PSG7: variants seen among roughly 807,000 people sequenced by gnomAD.
The protein encoded by PSG7 is pregnancy-specific beta-1-glycoprotein 7.
PSG7 carries 57 observed loss-of-function variants against 45.6 expected under a neutral mutation model. The observed-to-expected ratio is 1.25, with a 90% CI of 1.01 to 1.56. The LOEUF is 1.56. Ranked by LOEUF, PSG7 falls within the 40% of genes most tolerant of loss-of-function variation. The probability of loss-of-function intolerance (pLI) is 0.00; values close to 1 mark genes in which losing one functional copy is unlikely to be tolerated. For missense variants in PSG7, 796 were observed against 508.4 expected (o/e 1.57, Z -5.44); for synonymous variants, 298 against 194.4 (o/e 1.53, Z -4.43).
intron 2 of PSG7, among the ~76,000 whole-genome samples, chr19:42,932,095 C>A (rs1325556538): frequency 6.6e-6 from 1 of 151,320 alleles, no homozygotes; most frequent in Non-Finnish European, 1.5e-5. Flanking sequence ...ATGATCTCAG[C>A]TCACTGCAAG....
At chr19:42,933,307 ATTTTTTTT>A (rs397965905) in intron 2 of PSG7, among the ~76,000 whole-genome samples, 5 of 13,504 alleles carry the variant, frequency 3.7e-4, no homozygotes, top group African/African-American at 8.7e-4. Context: ...ATATATATAT[ATTTTTTTT>A]TTTTTTTGGT....
intron 2 of PSG7, among the ~76,000 whole-genome samples, chr19:42,933,358 G>T (rs183757047): frequency 1.7e-5 from 2 of 116,090 alleles, no homozygotes; most frequent in Admixed American, 1.0e-4. Context: ...AGAAGAACTT[G>T]TCTGGCAATT....
Position 42,935,276 on chromosome 19 carries a change from C to T in PSG7, c.430+128G>A, listed in dbSNP as rs60092578. The T allele has an allele frequency of 4.7e-3, 7,022 of 1,501,736 alleles. 261 individuals carry two copies. The African/African-American group carries it at 0.083, about 18-fold the overall frequency. 93.0% of individuals were successfully genotyped at this position (1,501,736 alleles called of 1,614,324 possible). On this transcript the variant is annotated intron_variant, in intron 2 of 5. Coordinates refer to ENST00000406070, the MANE Select transcript of PSG7 (RefSeq NM_002783.3). ...CTCTGTGTGTTTCCTGCAATAAATG[C>T]CCAAACCCCAGCATGGGACATAATG...
chr19:42,927,615 T>C (rs1461784527), intron 3 of PSG7: 2 of 151,638 alleles, frequency 1.3e-5, no homozygotes, highest in Non-Finnish European at 2.9e-5. Flanking sequence ...TTGATGGATA[T>C]AAGACAAATT....
rs1972478690 is a variant in PSG7, at chr19:42,924,305, A to G, written c.*503T>C. The G allele has an allele frequency of 5.9e-6, 2 of 340,174 alleles. No individual in the cohort carries two copies. Among genetic ancestry groups the G allele is most frequent in the Admixed American group, 8.9e-5 (2 of 22,506 alleles). The allele number at this position is 340,174 out of a possible 1,614,324, so 21.1% of individuals were successfully genotyped here. A position where few individuals can be genotyped will look rare whatever the true frequency, so the allele number is the denominator to read the frequency against. ...GAAACCATCTTCTCTGCAAACACAC[A>G]GGCAATATCTCTGTGTTCATTTCTA... On this transcript the variant is annotated 3_prime_UTR_variant, in exon 6 of 6. Coordinates refer to ENST00000406070, the MANE Select transcript of PSG7 (RefSeq NM_002783.3).
In PSG7 at chr19:42,925,510, T is replaced by C. The variant is rs183306224; in HGVS notation, c.1243+263A>G. 411 of 942,874 alleles carry C rather than the reference T, an allele frequency of 4.4e-4. 8 individuals are homozygous for C. The highest frequency in any genetic ancestry group is 5.6e-4 in the Non-Finnish European group (373 of 669,126). 58.4% of individuals were successfully genotyped at this position (942,874 alleles called of 1,614,324 possible). A position where few individuals can be genotyped will look rare whatever the true frequency, so the allele number is the denominator to read the frequency against. ...TTTTCAAATAAAAATCATAAAAACA[T>C]TATCCTCATTATTATCAATTATTTC... On this transcript the variant is annotated intron_variant, in intron 5 of 5. Coordinates refer to ENST00000406070, the MANE Select transcript of PSG7 (RefSeq NM_002783.3).
chr19:42,924,466 T>C lies in PSG7; in HGVS notation c.*342A>G. 1 of 538,032 alleles carries C rather than the reference T, an allele frequency of 1.9e-6. No homozygotes were observed. Among genetic ancestry groups the C allele is most frequent in the Admixed American group, 3.3e-5 (1 of 30,704 alleles). 33.3% of individuals were successfully genotyped at this position (538,032 alleles called of 1,614,324 possible). A position where few individuals can be genotyped will look rare whatever the true frequency, so the allele number is the denominator to read the frequency against. Reference sequence around the variant, plus strand: ...TCCTATACTACATGTGAAATTCTAATGACTGCATTATCCTGCCAAGTGAAA... The same window carrying C: ...TCCTATACTACATGTGAAATTCTAACGACTGCATTATCCTGCCAAGTGAAA... On this transcript the variant is annotated 3_prime_UTR_variant, in exon 6 of 6. Coordinates refer to ENST00000406070, the MANE Select transcript of PSG7 (RefSeq NM_002783.3).
At chr19:42,928,150 T>G (rs1478928186) in intron 3 of PSG7, among the ~76,000 whole-genome samples, 4 of 151,608 alleles carry the variant, frequency 2.6e-5, no homozygotes, top group Non-Finnish European at 5.9e-5. Flanking sequence ...GCTGCACTTG[T>G]ATATTTTTGA....
At chr19:42,935,987 C>G (rs1258109047) in intron 1 of PSG7, among the ~76,000 whole-genome samples, 2 of 150,906 alleles carry the variant, frequency 1.3e-5, no homozygotes, top group Non-Finnish European at 3.0e-5. Flanking sequence ...AGGTCAAGGT[C>G]AGCAGCATGA....
At chr19:42,926,869 T>C (rs1972905851) in intron 3 of PSG7, 153 bp from the exon 4 acceptor site, 1 of 1,386,674 alleles carries the variant, frequency 7.2e-7, no homozygotes, top group East Asian at 2.3e-5. Flanking sequence ...AGATGCATGA[T>C]GATCTAAGGG....
At position 42,934,353 on chromosome 19, in the gene PSG7, G is replaced by A. The variant is rs373372670; in HGVS notation, c.430+1051C>T. Among the ~76,000 whole-genome samples, 21 of 151,440 alleles carry A rather than the reference G, an allele frequency of 1.4e-4. 1 individual carries two copies. The East Asian group carries it at 2.1e-3, about 15-fold the overall frequency. ...ATTTGAGCCAATAAATGAGTATGGG[G>A]TGCTTGGAACCCAGTAAGCCCTCAC... On this transcript the variant is annotated intron_variant, in intron 2 of 5. Transcript: ENST00000406070.
At chr19:42,930,604 G>A (rs1972998805) in intron 2 of PSG7, among the ~76,000 whole-genome samples, 1 of 151,754 alleles carries the variant, frequency 6.6e-6, no homozygotes, top group Non-Finnish European at 1.5e-5. Context: ...GACCATATGT[G>A]TTTGGTGGAT....
At chr19:42,929,764 G>C in intron 2 of PSG7, 44 bp from the exon 3 acceptor site, 1 of 1,587,904 alleles carries the variant, frequency 6.3e-7, no homozygotes, top group South Asian at 1.2e-5. Flanking sequence ...TGGCACCTTT[G>C]ACTCCTCCAA....
At chr19:42,929,242 A>G (rs1222719080) in intron 3 of PSG7, 200 bp downstream of exon 3, 1 of 1,272,822 alleles carries the variant, frequency 7.9e-7, no homozygotes, top group African/African-American at 1.5e-5. Flanking sequence ...GTCTCCCATG[A>G]CAGGAGCAGC....
intron 3 of PSG7, among the ~76,000 whole-genome samples, chr19:42,928,397 G>C (rs1462554024): frequency 6.6e-6 from 1 of 151,484 alleles, no homozygotes; most frequent in Non-Finnish European, 1.5e-5. Flanking sequence ...TAACAATATT[G>C]ATTCTTCCAA....
intron 2 of PSG7, among the ~76,000 whole-genome samples, chr19:42,930,211 G>A (rs1042437247): frequency 1.6e-4 from 25 of 151,600 alleles, no homozygotes; most frequent in Admixed American, 3.9e-4. Context: ...GGAAAGCCTG[G>A]CCTGGGACTG....
intron 2 of PSG7, among the ~76,000 whole-genome samples, chr19:42,933,307 A>ATATATTTTTTTTTTTTTTTTTT (rs56691588): frequency 7.4e-5 from 1 of 13,506 alleles, no homozygotes; most frequent in African/African-American, 1.7e-4. Flanking sequence ...ATATATATAT[A>ATATATTTTTTTTTTTTTTTTTT]TTTTTTTTTT....
In PSG7 at chr19:42,935,578, C is replaced by G. The variant is rs781911242; in HGVS notation, c.256G>C (p.Gly86Arg). ...GCAGGCCCATATTTAATTATTTGAC[C>G]GTCTACTATATATGATGTAACATAA... is the stretch of plus-strand genomic sequence containing the variant. ...YHYVTSYIVDGQIIKYGPAYS... is the reference protein window; with the variant it reads ...YHYVTSYIVDRQIIKYGPAYS... Residue 86 changes from glycine to arginine, a missense_variant, in exon 2 of 6, where the codon GGT (glycine) becomes CGT (arginine). Coordinates refer to ENST00000406070, the MANE Select transcript of PSG7 (RefSeq NM_002783.3). 6.2e-7 allele frequency: 1 copy of G among 1,611,818 alleles called. No individual in the cohort carries two copies. The highest frequency in any genetic ancestry group is 1.7e-5 in the Admixed American group (1 of 59,808).
In PSG7 at chr19:42,933,284, TATATATA is replaced by T. The variant is rs1568459443; in HGVS notation, c.430+2113_430+2119del. On this transcript the variant is annotated intron_variant, in intron 2 of 5. Coordinates refer to ENST00000406070, the MANE Select transcript of PSG7 (RefSeq NM_002783.3). ...CCATTTCAATATATATATATATATA[TATATATA>T]TATATATATATATATATTTTTTTTT... 5.5e-3 allele frequency among the ~76,000 whole-genome samples: 46 copies of T among 8,350 alleles called. 5 individuals are homozygous for T. Among genetic ancestry groups the T allele is most frequent in the African/African-American group, 0.014 (45 of 3,164 alleles). The allele number at this position is 8,350 out of a possible 152,430, so 5.5% of individuals were successfully genotyped here. A position where few individuals can be genotyped will look rare whatever the true frequency, so the allele number is the denominator to read the frequency against.
Sources: gnomAD v4.1 joint callset for allele counts (sites outside exome capture counted in the v4.1 genomes callset) on GRCh38, gnomAD v4.1.1 for gene constraint, MANE v1.5 for transcripts, NCBI Gene and HGNC (gene_info 2026-07-23, HGNC 2026-07-21) for gene names.